ZNF844: variants seen among roughly 807,000 people sequenced by gnomAD.
ZNF844 encodes the protein zinc finger protein 844.
ZNF844 carries 11 observed loss-of-function variants against 11.4 expected under a neutral mutation model. The ratio of observed to expected loss-of-function variants is 0.97; its 90% CI spans 0.61 to 1.60. The LOEUF is 1.60. Ranked by LOEUF, ZNF844 falls within the 40% of genes most tolerant of loss-of-function variation. ZNF844 has a pLI of 0.00. For missense variants in ZNF844, 790 were observed against 796.8 expected (o/e 0.99, Z 0.10); for synonymous variants, 248 against 260.3 (o/e 0.95, Z 0.46).
chr19:12,065,009 C>A, intron 1 of ZNF844, 133 bp downstream of exon 1: 1 of 977,054 alleles, frequency 1.0e-6, no homozygotes, highest in Non-Finnish European at 1.4e-6. Context: ...GCCCGAGCCC[C>A]GCTGGCGCAG....
chr19:12,076,979 A>G lies in ZNF844; in HGVS notation c.1859A>G (p.Glu620Gly). Residue 620 changes from glutamate (E) to glycine (G), a missense_variant, in exon 4 of 4, where the codon GAA becomes GGA. Glu to Gly is a moderately conservative substitution (Grantham distance 98). Around this residue, in one of 3 missense-constraint regions of ZNF844, gnomAD observed 657 missense variants for 636.2 expected, o/e 1.03. Transcript: ENST00000439326. ...AACCCTATGAATGTAAGGAATGCGG[A>G]AAAGCGTTCAATTATTTTTCTTCTT... Reference protein sequence around the residue: ...ERNPMNVRNAEKRSIIFLLCV... With the variant: ...ERNPMNVRNAGKRSIIFLLCV... 6.2e-7 allele frequency: 1 copy of G among 1,600,832 alleles called. No individual in the cohort carries two copies. Among genetic ancestry groups the G allele is most frequent in the Non-Finnish European group, 8.5e-7 (1 of 1,173,316 alleles).
chr19:12,068,276 T>A (rs1975715048), intron 1 of ZNF844, among the ~76,000 whole-genome samples: 1 of 152,114 alleles, frequency 6.6e-6, no homozygotes, highest in South Asian at 2.1e-4. Context: ...GCCACTGGAC[T>A]TCAGCCTGGG....
chr19:12,066,768 G>C (rs1975693735), intron 1 of ZNF844, among the ~76,000 whole-genome samples: 1 of 150,698 alleles, frequency 6.6e-6, no homozygotes, highest in African/African-American at 2.4e-5. Flanking sequence ...GGATGGTCTG[G>C]ATTTCCTGAC....
chr19:12,073,825 G>C (rs2145546399), intron 1 of ZNF844, among the ~76,000 whole-genome samples: 1 of 152,292 alleles, frequency 6.6e-6, no homozygotes, highest in East Asian at 1.9e-4. Context: ...CTATTCTGCT[G>C]TTCGTTTATT....
At chr19:12,075,008 C>A (rs1440379931) in intron 3 of ZNF844, among the ~76,000 whole-genome samples, 1 of 152,008 alleles carries the variant, frequency 6.6e-6, no homozygotes, top group East Asian at 1.9e-4. Context: ...CACCTTCCAA[C>A]AATTTAGACA....
intron 1 of ZNF844, among the ~76,000 whole-genome samples, chr19:12,070,592 A>C (rs1975744352): frequency 6.6e-6 from 1 of 152,212 alleles, no homozygotes; most frequent in Non-Finnish European, 1.5e-5. Flanking sequence ...CCTCCCCACC[A>C]GAAGAGAACT....
intron 1 of ZNF844, among the ~76,000 whole-genome samples, chr19:12,069,953 CAAAAAAAA>C (rs34426508): frequency 1.7e-4 from 11 of 64,962 alleles, no homozygotes; most frequent in African/African-American, 5.3e-4. Context: ...GACTCCGTCT[CAAAAAAAA>C]AAAAAAAAAA....
At position 12,075,580 on chromosome 19, in the gene ZNF844, CCCT is replaced by C; in HGVS notation, c.464_466del (p.Ser155del). 1.2e-6 allele frequency: 2 copies of C among 1,614,000 alleles called. No individual in the cohort carries two copies. The highest frequency in any genetic ancestry group is 8.5e-7 in the Non-Finnish European group (1 of 1,179,976). On this transcript the variant is annotated inframe_deletion, in exon 4 of 4. Transcript: ENST00000439326. ...ACGTAAGAAAGCCTTCAGATGTCAC[CCCT>C]CCTTTCAAATGCAAGAAAAGGCTCA... is the stretch of plus-strand genomic sequence containing the variant.
intron 1 of ZNF844, among the ~76,000 whole-genome samples, chr19:12,065,456 A>T (rs1389131307): frequency 6.6e-6 from 1 of 152,068 alleles, no homozygotes; most frequent in East Asian, 2.0e-4. Context: ...TGTTGTTGTA[A>T]TCGCCTGAGG....
At chr19:12,071,593 T>C (rs1975753174) in intron 1 of ZNF844, among the ~76,000 whole-genome samples, 1 of 152,162 alleles carries the variant, frequency 6.6e-6, no homozygotes, top group African/African-American at 2.4e-5. Flanking sequence ...TCCTTGTGCC[T>C]GATGACTCCT....
chr19:12,074,492 A>C, intron 3 of ZNF844, 71 bp downstream of exon 3: 1 of 1,067,610 alleles, frequency 9.4e-7, no homozygotes, highest in Non-Finnish European at 1.4e-6. Context: ...TGTTAAGAAG[A>C]AGCAAATAAA....
At chr19:12,066,422 C>T (rs947550283) in intron 1 of ZNF844, among the ~76,000 whole-genome samples, 1 of 151,638 alleles carries the variant, frequency 6.6e-6, no homozygotes, top group African/African-American at 2.4e-5. Context: ...GGCTCCTCAT[C>T]GCTCCCCACT....
chr19:12,071,348 G>A (rs1017007360), intron 1 of ZNF844, among the ~76,000 whole-genome samples: 2 of 151,998 alleles, frequency 1.3e-5, no homozygotes, highest in South Asian at 2.1e-4. Context: ...CATCATATAC[G>A]TTTTTGTTAT....
rs778255588 is a variant in ZNF844 at position 12,076,468 on chromosome 19, G to A, written c.1348G>A (p.Val450Ile). 19 of 1,613,442 alleles carry A rather than the reference G, an allele frequency of 1.2e-5. No individual in the cohort carries two copies. The highest frequency in any genetic ancestry group is 1.7e-4 in the Middle Eastern group (1 of 6,056). The change falls in exon 4 of 4, where the codon GTA (valine) becomes ATA (isoleucine). Residue 450 changes from valine (V) to isoleucine (I), a missense_variant. By Grantham distance (29) the Val-to-Ile change is conservative. Transcript: ENST00000439326. ...GLTLERNRMS[V>I]SNVGKPSDLP... The stretch of plus-strand genomic sequence containing the variant: ...CACACTGGAGAGAAACCGTATGAGT[G>A]TAAGCAATGTGGGAAAGCCTTCAGA...
At chr19:12,067,951 A>AAAAGGAAGGAAG (rs1555717793) in intron 1 of ZNF844, among the ~76,000 whole-genome samples, 2 of 14,676 alleles carry the variant, frequency 1.4e-4, no homozygotes, top group African/African-American at 4.5e-4. Flanking sequence ...AAAGAAGGAA[A>AAAAGGAAGGAAG]GAAGGAAAGA....
At chr19:12,066,585 C>T (rs566837723) in intron 1 of ZNF844, among the ~76,000 whole-genome samples, 1 of 130,050 alleles carries the variant, frequency 7.7e-6, no homozygotes, top group African/African-American at 3.0e-5. Flanking sequence ...CTCCCTCTGT[C>T]GCCCAGACTG....
rs193079644 is a variant in ZNF844 at position 12,076,000 on chromosome 19, C to T, written c.880C>T (p.His294Tyr). ...KQCGKAFRWF[H>Y]SFQIHERTHS... ...ATGTGGAAAAGCCTTCAGATGGTTC[C>T]ATTCCTTTCAAATACATGAAAGAAC... The change falls in exon 4 of 4, where the codon CAT (histidine) becomes TAT (tyrosine). Residue 294 changes from histidine to tyrosine, a missense_variant. His to Tyr is a moderately conservative substitution (Grantham distance 83). Transcript: ENST00000439326. The T allele has an allele frequency of 2.4e-4, 377 of 1,577,874 alleles. 2 individuals are homozygous for T. In the African/African-American group the frequency reaches 4.7e-3, roughly 20 times the overall value.
chr19:12,065,957 T>C (rs1975682857), intron 1 of ZNF844, among the ~76,000 whole-genome samples: 1 of 151,924 alleles, frequency 6.6e-6, no homozygotes, highest in Non-Finnish European at 1.5e-5. Context: ...TTAAACAAGG[T>C]CTCACTCTGT....
intron 1 of ZNF844, among the ~76,000 whole-genome samples, chr19:12,066,850 G>A (rs1389884759): frequency 6.6e-6 from 1 of 151,932 alleles, no homozygotes; most frequent in East Asian, 1.9e-4. Flanking sequence ...CCGGCCAAAT[G>A]TCTTCTAAAG....
Sources: allele counts gnomAD v4.1 joint callset (sites outside exome capture counted in the v4.1 genomes callset), GRCh38; gene constraint gnomAD v4.1.1; regional missense constraint gnomAD v4.1.1; transcripts MANE v1.5; gene names NCBI Gene and HGNC (gene_info 2026-07-23, HGNC 2026-07-21).